The following ADAM10 variants were observed in gnomAD, a reference collection of about 807,000 sequenced individuals.
The protein encoded by ADAM10 is ADAM metallopeptidase domain 10, also known as disintegrin and metalloproteinase domain-containing protein 10.
ADAM10 carries 17 observed loss-of-function variants against 90.1 expected under a neutral mutation model. The ratio of observed to expected loss-of-function variants is 0.19; its 90% confidence interval spans 0.13 to 0.28. The LOEUF (loss-of-function observed/expected upper bound fraction) is 0.28, where lower values mean the gene tolerates loss of function less well. Ranked by LOEUF, ADAM10 falls within the 10% of genes least tolerant of loss-of-function variation. The probability of loss-of-function intolerance (pLI) is 1.00; values close to 1 mark genes in which losing one functional copy is unlikely to be tolerated. For synonymous variants in ADAM10, 310 were observed against 298.6 expected, an observed-to-expected ratio of 1.04 and a Z score of -0.40; for missense variants, 610 against 914.3, an observed-to-expected ratio of 0.67 and a Z score of 4.29.
intron 1 of ADAM10, among the ~76,000 whole-genome samples, 182 bp downstream of exon 1, chr15:58,749,298 G>GT (rs747359174): frequency 3.4e-4 from 52 of 152,246 alleles, no homozygotes; most frequent in Middle Eastern, 3.4e-3. Flanking sequence ...GCCCGCCACC[G>GT]AAGGGAAAGC....
intron 1 of ADAM10, among the ~76,000 whole-genome samples, chr15:58,720,975 C>T (rs908249945): frequency 1.3e-5 from 2 of 152,142 alleles, no homozygotes; most frequent in Non-Finnish European, 2.9e-5. Context: ...GCACCAAAGG[C>T]GTCAAGCTGG....
At chr15:58,618,312 T>C (rs1473977394) in intron 11 of ADAM10, among the ~76,000 whole-genome samples, 1 of 152,142 alleles carries the variant, frequency 6.6e-6, no homozygotes, top group Non-Finnish European at 1.5e-5. Flanking sequence ...GAAAACTGGA[T>C]ACCTATATGC....
chr15:58,739,532 T>A (rs2140847593), intron 1 of ADAM10, among the ~76,000 whole-genome samples: 1 of 151,670 alleles, frequency 6.6e-6, no homozygotes, highest in African/African-American at 2.4e-5. Context: ...AATAAATAAA[T>A]AAATAAATAA....
At chr15:58,685,352 T>C (rs1435465369) in intron 2 of ADAM10, among the ~76,000 whole-genome samples, 1 of 150,746 alleles carries the variant, frequency 6.6e-6, no homozygotes, top group African/African-American at 2.4e-5. Context: ...TCCCAGCTAC[T>C]TGGGAGGCTA....
At chr15:58,726,271 T>C (rs1260272635) in intron 1 of ADAM10, among the ~76,000 whole-genome samples, 3 of 152,152 alleles carry the variant, frequency 2.0e-5, no homozygotes, top group Non-Finnish European at 4.4e-5. Context: ...AGGTATATCA[T>C]CATAAAGCCA....
At chr15:58,730,530 G>A (rs151283457) in intron 1 of ADAM10, among the ~76,000 whole-genome samples, 88 of 152,166 alleles carry the variant, frequency 5.8e-4, no homozygotes, top group African/African-American at 2.0e-3. Flanking sequence ...CAAATCTTTG[G>A]TAAGTCACTT....
Position 58,640,874 on chromosome 15 carries a change from A to G in ADAM10, c.915T>C (p.Ser305=), listed in dbSNP as rs754127745. Residue 305 remains serine, a synonymous_variant, in exon 8 of 16, where the codon TCT becomes TCC. Transcript: ENST00000260408. ...IGVEKFLELN[S]EQNHDDYCLA... ...AACAGTAGTCATCATGATTCTGCTC[A>G]GAATTCAATTCCAGAAACTTCTCCA... 3 of 1,614,200 alleles carry G rather than the reference A, an allele frequency of 1.9e-6. No individual in the cohort carries two copies. The Admixed American group carries it at 5.0e-5, about 27-fold the overall frequency.
chr15:58,696,342 T>C (rs567734537), intron 2 of ADAM10, among the ~76,000 whole-genome samples: 34 of 151,938 alleles, frequency 2.2e-4, no homozygotes, highest in Non-Finnish European at 4.7e-4. Flanking sequence ...CAAAGAAATA[T>C]TTATGTATCT....
At chr15:58,720,503 C>G (rs1898817416) in intron 1 of ADAM10, among the ~76,000 whole-genome samples, 1 of 151,924 alleles carries the variant, frequency 6.6e-6, no homozygotes, top group Admixed American at 6.6e-5. Flanking sequence ...TGAGTTCACG[C>G]CATTCTCCCG....
intron 5 of ADAM10, among the ~76,000 whole-genome samples, chr15:58,659,370 A>G (rs1472593961): frequency 6.6e-6 from 1 of 152,132 alleles, no homozygotes; most frequent in African/African-American, 2.4e-5. Flanking sequence ...TTTTTATAAA[A>G]AGCTCTTACT....
At chr15:58,684,864 G>A (rs1897543189) in intron 2 of ADAM10, among the ~76,000 whole-genome samples, 1 of 152,150 alleles carries the variant, frequency 6.6e-6, no homozygotes, top group Non-Finnish European at 1.5e-5. Context: ...TGTGGGGTCT[G>A]CACTAGCTCC....
chr15:58,621,439 G>A, intron 11 of ADAM10, 32 bp downstream of exon 11: 1 of 1,613,182 alleles, frequency 6.2e-7, no homozygotes, highest in Non-Finnish European at 8.5e-7. Flanking sequence ...AACTTTACAA[G>A]AATGTTAACA....
intron 11 of ADAM10, among the ~76,000 whole-genome samples, chr15:58,616,965 C>T (rs1292017520): frequency 6.6e-6 from 1 of 151,920 alleles, no homozygotes; most frequent in Non-Finnish European, 1.5e-5. Context: ...AAAAATTAGC[C>T]AGGCGTGGTG....
chr15:58,608,399 T>A (rs1293622465), intron 14 of ADAM10, among the ~76,000 whole-genome samples: 1 of 152,188 alleles, frequency 6.6e-6, no homozygotes, highest in African/African-American at 2.4e-5. Context: ...GCAAGTAAAC[T>A]ATGCACATAA....
chr15:58,640,584 G>A (rs530294542), intron 8 of ADAM10, among the ~76,000 whole-genome samples, 193 bp downstream of exon 8: 14 of 152,110 alleles, frequency 9.2e-5, no homozygotes, highest in African/African-American at 2.2e-4. Context: ...CCCTGTATGC[G>A]TTTCAAAATA....
intron 2 of ADAM10, among the ~76,000 whole-genome samples, chr15:58,689,892 G>A (rs1363091492): frequency 7.0e-6 from 1 of 143,616 alleles, no homozygotes; most frequent in Non-Finnish European, 1.5e-5. Context: ...CAGGAGGGAA[G>A]AGTACTCAAC....
intron 1 of ADAM10, among the ~76,000 whole-genome samples, chr15:58,728,880 G>C (rs566919349): frequency 6.6e-6 from 1 of 152,258 alleles, no homozygotes; most frequent in African/African-American, 2.4e-5. Context: ...TTTGCTAATA[G>C]GACATAAGTA....
chr15:58,607,092 G>A (rs1422585004), intron 14 of ADAM10, among the ~76,000 whole-genome samples: 4 of 152,196 alleles, frequency 2.6e-5, no homozygotes, highest in East Asian at 1.9e-4. Context: ...TGTAAAAACC[G>A]TTCTTAGCTT....
intron 2 of ADAM10, among the ~76,000 whole-genome samples, chr15:58,690,515 AAAC>A (rs1189451596): frequency 4.2e-4 from 64 of 152,250 alleles, no homozygotes; most frequent in African/African-American, 1.4e-3. Flanking sequence ...AGAACAAAAT[AAAC>A]AACAACAAAA....
Sources: allele counts gnomAD v4.1 joint callset (sites outside exome capture counted in the v4.1 genomes callset), GRCh38; gene constraint gnomAD v4.1.1; transcripts MANE v1.5; gene names NCBI Gene and HGNC (gene_info 2026-07-23, HGNC 2026-07-21).